Variants in PDSS2 observed in about 807,000 individuals in gnomAD.
PDSS2 encodes the protein all trans-polyprenyl-diphosphate synthase PDSS2.
In PDSS2, 31 loss-of-function variants were observed where a neutral mutation model predicts 44.5. The ratio of observed to expected loss-of-function variants is 0.70; its 90% CI spans 0.52 to 0.94. PDSS2 has a LOEUF of 0.94. Among genes scored for constraint, PDSS2 ranks in the 40% least tolerant of loss-of-function variants. PDSS2 has a pLI of 0.00. For missense variants in PDSS2, 452 were observed against 482.2 expected (o/e 0.94, Z 0.59); for synonymous variants, 157 against 180.3 (o/e 0.87, Z 1.03).
intron 1 of PDSS2, among the ~76,000 whole-genome samples, chr6:107,339,633 C>A (rs2500569): frequency 6.6e-6 from 1 of 152,054 alleles, no homozygotes; most frequent in Non-Finnish European, 1.5e-5. Flanking sequence ...GCTTGGAATA[C>A]AGAAAGTAAC....
intron 1 of PDSS2, among the ~76,000 whole-genome samples, chr6:107,412,941 C>T (rs1335557971): frequency 1.3e-5 from 2 of 152,166 alleles, no homozygotes; most frequent in African/African-American, 2.4e-5. Context: ...TGAGATACTG[C>T]TTTTTACCAT....
At chr6:107,332,694 G>A (rs1777751824) in intron 2 of PDSS2, among the ~76,000 whole-genome samples, 1 of 151,986 alleles carries the variant, frequency 6.6e-6, no homozygotes, top group Non-Finnish European at 1.5e-5. Flanking sequence ...ATTACCAGTT[G>A]TGTCACCAGA....
intron 1 of PDSS2, among the ~76,000 whole-genome samples, chr6:107,435,329 C>T (rs1387172456): frequency 4.6e-5 from 6 of 130,330 alleles, no homozygotes; most frequent in African/African-American, 1.4e-4. Flanking sequence ...CACACACACA[C>T]ACGATTAAAA....
chr6:107,184,634 G>A (rs1233982121), intron 7 of PDSS2, among the ~76,000 whole-genome samples: 4 of 152,260 alleles, frequency 2.6e-5, no homozygotes, highest in African/African-American at 7.2e-5. Context: ...AGGACTTCTG[G>A]GGGTGAAGAG....
chr6:107,380,853 C>A (rs1209386816), intron 1 of PDSS2, among the ~76,000 whole-genome samples: 6 of 152,116 alleles, frequency 3.9e-5, no homozygotes, highest in African/African-American at 1.4e-4. Flanking sequence ...AGCTTCCAAA[C>A]TTTTTACATG....
At chr6:107,289,447 C>T (rs1257697792) in intron 2 of PDSS2, among the ~76,000 whole-genome samples, 1 of 151,052 alleles carries the variant, frequency 6.6e-6, no homozygotes, top group African/African-American at 2.4e-5. Flanking sequence ...TGCCTATAAT[C>T]CAAGCACTGT....
chr6:107,203,999 G>A (rs930559911), intron 6 of PDSS2, among the ~76,000 whole-genome samples: 1 of 151,108 alleles, frequency 6.6e-6, no homozygotes, highest in African/African-American at 2.4e-5. Flanking sequence ...CTGGAGTGCA[G>A]TAGCATGATC....
chr6:107,283,788 T>G (rs1044445363), intron 2 of PDSS2, among the ~76,000 whole-genome samples: 5 of 151,804 alleles, frequency 3.3e-5, no homozygotes, highest in Admixed American at 3.3e-4. Flanking sequence ...ATCCCAGCAC[T>G]TTGGGAGGCC....
intron 7 of PDSS2, among the ~76,000 whole-genome samples, chr6:107,186,687 C>T (rs559939309): frequency 2.1e-4 from 32 of 152,148 alleles, no homozygotes; most frequent in Admixed American, 3.9e-4. Flanking sequence ...TCAACTCCCA[C>T]TTATGAGTGA....
At chr6:107,324,699 C>T (rs1777484337) in intron 2 of PDSS2, among the ~76,000 whole-genome samples, 1 of 152,076 alleles carries the variant, frequency 6.6e-6, no homozygotes, top group Admixed American at 6.6e-5. Flanking sequence ...AAAACCATAA[C>T]TGATTTTTAA....
chr6:107,256,181 G>A (rs1481472542), intron 3 of PDSS2, among the ~76,000 whole-genome samples: 1 of 152,038 alleles, frequency 6.6e-6, no homozygotes, highest in African/African-American at 2.4e-5. Context: ...AGTAGAGACA[G>A]GTTTTCACCG....
intron 1 of PDSS2, among the ~76,000 whole-genome samples, chr6:107,405,846 CAAA>C (rs1301868631): frequency 3.5e-5 from 2 of 56,770 alleles, no homozygotes. Context: ...GACTCCGTCT[CAAA>C]AAAAAAAAAA....
chr6:107,374,067 C>T (rs911930005), intron 1 of PDSS2, among the ~76,000 whole-genome samples: 1 of 151,970 alleles, frequency 6.6e-6, no homozygotes, highest in African/African-American at 2.4e-5. Context: ...CCAGCCTGGT[C>T]AATATGGTGA....
In PDSS2 at chr6:107,379,368, A is replaced by G. The variant is rs569211270; in HGVS notation, c.297-45036T>C. Among the ~76,000 whole-genome samples the G allele has an allele frequency of 2.6e-4, 39 of 152,326 alleles. No individual in the cohort carries two copies. The East Asian group carries it at 7.3e-3, about 29-fold the overall frequency. Reference sequence around the variant, plus strand: ...CATTTCATGTGCACTTGAGAAAAGGATGTATTTTCTATTATCAGAACTTCG... The same window carrying G: ...CATTTCATGTGCACTTGAGAAAAGGGTGTATTTTCTATTATCAGAACTTCG... On this transcript the variant is annotated intron_variant, in intron 1 of 7. Transcript: ENST00000369037.
intron 1 of PDSS2, among the ~76,000 whole-genome samples, chr6:107,457,064 T>A (rs1385223262): frequency 6.6e-6 from 1 of 152,160 alleles, no homozygotes; most frequent in African/African-American, 2.4e-5. Flanking sequence ...CAGCTAATCA[T>A]AAGGTGACAT....
Position 107,437,587 on chromosome 6 carries a change from T to C in PDSS2, c.296+21403A>G, listed in dbSNP as rs377484242. Among the ~76,000 whole-genome samples the C allele has an allele frequency of 5.9e-5, 9 of 151,272 alleles. No homozygotes were observed. The East Asian group carries it at 1.8e-3, about 29-fold the overall frequency. ...TGCCTTGTTATACATGGGGGATTGG[T>C]TCTAGGACCTCCTCATTTCCACATA... On this transcript the variant is annotated intron_variant, in intron 1 of 7. Transcript: ENST00000369037.
chr6:107,206,521 G>A (rs1033078978), intron 6 of PDSS2, among the ~76,000 whole-genome samples: 1 of 152,202 alleles, frequency 6.6e-6, no homozygotes, highest in African/African-American at 2.4e-5. Context: ...GGATATGAGA[G>A]AATGTGATTA....
intron 2 of PDSS2, among the ~76,000 whole-genome samples, chr6:107,299,508 GTAAC>G (rs1776625515): frequency 6.6e-6 from 1 of 152,128 alleles, no homozygotes; most frequent in Non-Finnish European, 1.5e-5. Context: ...CATGAGGAAA[GTAAC>G]TAGAATTGTA....
chr6:107,228,154 T>G (rs1285957978), intron 4 of PDSS2, among the ~76,000 whole-genome samples: 1 of 152,318 alleles, frequency 6.6e-6, no homozygotes, highest in East Asian at 1.9e-4. Flanking sequence ...GGTATACAAA[T>G]TCAATTTAGA....
Sources: allele counts gnomAD v4.1 joint callset (sites outside exome capture counted in the v4.1 genomes callset), GRCh38; gene constraint gnomAD v4.1.1; transcripts MANE v1.5; gene names NCBI Gene and HGNC (gene_info 2026-07-23, HGNC 2026-07-21).